CSMD3: variants seen among roughly 807,000 people sequenced by gnomAD.
The protein encoded by CSMD3 is CUB and sushi domain-containing protein 3.
A neutral mutation model predicts 435.2 loss-of-function variants in CSMD3; 177 were observed. The ratio of observed to expected loss-of-function variants is 0.41; its 90% CI spans 0.36 to 0.46. CSMD3 has a LOEUF of 0.46. CSMD3 is among the 20% of genes least tolerant of loss of function. The pLI is 0.34. For synonymous variants in CSMD3, 1,656 were observed against 1,520.5 expected, an observed-to-expected ratio of 1.09 and a Z score of -2.07; for missense variants, 4,265 against 4,504.6, an observed-to-expected ratio of 0.95 and a Z score of 1.52.
At chr8:113,275,066 C>A (rs1395055903) in intron 3 of CSMD3, among the ~76,000 whole-genome samples, 1 of 151,970 alleles carries the variant, frequency 6.6e-6, no homozygotes, top group Non-Finnish European at 1.5e-5. Flanking sequence ...ATAAAGTACT[C>A]TTTTAATCAC....
At chr8:113,263,139 C>T (rs1290984928) in intron 3 of CSMD3, among the ~76,000 whole-genome samples, 1 of 151,988 alleles carries the variant, frequency 6.6e-6, no homozygotes, top group Admixed American at 6.6e-5. Flanking sequence ...AAAGAGCACA[C>T]TGCCAGAGAT....
intron 1 of CSMD3, among the ~76,000 whole-genome samples, chr8:113,365,816 T>A (rs1174983785): frequency 6.6e-6 from 1 of 152,032 alleles, no homozygotes; most frequent in East Asian, 1.9e-4. Context: ...TCTCAATGTA[T>A]CAGCATATTT....
intron 3 of CSMD3, among the ~76,000 whole-genome samples, chr8:113,212,019 AT>A (rs1250842272): frequency 6.6e-6 from 1 of 152,200 alleles, no homozygotes; most frequent in East Asian, 1.9e-4. Flanking sequence ...CTTTATATTA[AT>A]AAATGACTAA....
intron 59 of CSMD3, among the ~76,000 whole-genome samples, chr8:112,273,821 C>T (rs1298451754): frequency 6.6e-6 from 1 of 150,720 alleles, no homozygotes; most frequent in Non-Finnish European, 1.5e-5. Flanking sequence ...CAACAATTTA[C>T]TGAGTTGCTC....
intron 4 of CSMD3, among the ~76,000 whole-genome samples, chr8:113,165,410 T>G (rs1033074827): frequency 6.6e-6 from 1 of 152,160 alleles, no homozygotes; most frequent in East Asian, 1.9e-4. Flanking sequence ...TTTAGAAAAT[T>G]TACTTTAAAA....
intron 5 of CSMD3, among the ~76,000 whole-genome samples, chr8:113,066,584 T>A (rs2088870049): frequency 1.3e-5 from 2 of 152,066 alleles, no homozygotes; most frequent in Non-Finnish European, 2.9e-5. Flanking sequence ...TCTCAATACA[T>A]CAGAGAAAAA....
At chr8:112,354,878 A>AC in intron 38 of CSMD3, among the ~76,000 whole-genome samples, 1 of 152,338 alleles carries the variant, frequency 6.6e-6, no homozygotes, top group East Asian at 1.9e-4. Flanking sequence ...ACTGAAGTAA[A>AC]GCCCAAATAG....
chr8:112,955,550 T>C (rs1285945723), intron 7 of CSMD3, among the ~76,000 whole-genome samples: 2 of 151,838 alleles, frequency 1.3e-5, no homozygotes, highest in Non-Finnish European at 3.0e-5. Flanking sequence ...TATTTTGAAA[T>C]ATAAGATACT....
chr8:112,535,555 A>C (rs1382947789), intron 27 of CSMD3, among the ~76,000 whole-genome samples: 1 of 152,066 alleles, frequency 6.6e-6, no homozygotes, highest in East Asian at 1.9e-4. Flanking sequence ...TTCCATGCTC[A>C]TGGGTAGGAA....
At chr8:113,049,851 T>A (rs957273296) in intron 5 of CSMD3, among the ~76,000 whole-genome samples, 1 of 152,174 alleles carries the variant, frequency 6.6e-6, no homozygotes, top group Admixed American at 6.5e-5. Context: ...GCTATCCATA[T>A]CCATATGATA....
rs1051921590 is a variant in CSMD3, at chr8:112,980,073, ATG to A, written c.1031-3927_1031-3926del. Among the ~76,000 whole-genome samples the A allele has an allele frequency of 8.0e-5, 12 of 150,876 alleles. No homozygotes were observed. The East Asian group carries it at 1.2e-3, about 15-fold the overall frequency. On this transcript the variant is annotated intron_variant, in intron 6 of 70. Coordinates refer to ENST00000297405, the MANE Select transcript of CSMD3 (RefSeq NM_198123.2). The stretch of plus-strand genomic sequence containing the variant: ...ACAATGTTAAATTTGAAATTTTATT[ATG>A]TGTTTTCAAAAATTTTTTGAAAGTT...
At chr8:113,429,115 C>T (rs1189294125) in intron 1 of CSMD3, among the ~76,000 whole-genome samples, 1 of 151,632 alleles carries the variant, frequency 6.6e-6, no homozygotes, top group African/African-American at 2.4e-5. Flanking sequence ...ATTTTACTCC[C>T]ATATCATAAA....
intron 3 of CSMD3, among the ~76,000 whole-genome samples, chr8:113,208,277 G>T (rs1466629758): frequency 6.6e-6 from 1 of 151,984 alleles, no homozygotes; most frequent in South Asian, 2.1e-4. Context: ...GTCAGAAACC[G>T]GGACCAGAGA....
intron 1 of CSMD3, among the ~76,000 whole-genome samples, chr8:113,424,837 TAC>T (rs1469101111): frequency 6.6e-6 from 1 of 151,582 alleles, no homozygotes; most frequent in Non-Finnish European, 1.5e-5. Flanking sequence ...ATGTTATATT[TAC>T]CTGTGATAAG....
intron 63 of CSMD3, among the ~76,000 whole-genome samples, chr8:112,250,846 C>T (rs1815193625): frequency 6.6e-6 from 1 of 151,632 alleles, no homozygotes; most frequent in Admixed American, 6.6e-5. Context: ...ATTTAAAGTA[C>T]CATGTTGTGT....
intron 8 of CSMD3, among the ~76,000 whole-genome samples, chr8:112,952,354 C>T (rs1298409825): frequency 6.6e-6 from 1 of 151,588 alleles, no homozygotes; most frequent in Non-Finnish European, 1.5e-5. Context: ...CCGTGCCCAT[C>T]ATAGAATTGA....
chr8:113,306,260 A>C (rs559252774), intron 2 of CSMD3, among the ~76,000 whole-genome samples: 1 of 152,302 alleles, frequency 6.6e-6, no homozygotes, highest in South Asian at 2.1e-4. Context: ...CGTTTCCCAG[A>C]TGTTTTATTA....
At chr8:112,597,056 C>CA (rs1831799533) in intron 22 of CSMD3, among the ~76,000 whole-genome samples, 1 of 151,932 alleles carries the variant, frequency 6.6e-6, no homozygotes, top group Non-Finnish European at 1.5e-5. Flanking sequence ...AAAAAGTCTT[C>CA]AAAAAATTAA....
intron 22 of CSMD3, among the ~76,000 whole-genome samples, chr8:112,594,698 C>T (rs1444570790): frequency 2.0e-5 from 3 of 152,162 alleles, no homozygotes; most frequent in Admixed American, 6.5e-5. Flanking sequence ...TCAAGTGGGT[C>T]CCTAACCCCT....
Sources: allele counts gnomAD v4.1 joint callset (sites outside exome capture counted in the v4.1 genomes callset), GRCh38; gene constraint gnomAD v4.1.1; transcripts MANE v1.5; gene names NCBI Gene and HGNC (gene_info 2026-07-23, HGNC 2026-07-21).